The following CIMAP1D variants were observed in gnomAD, a reference collection of about 807,000 sequenced individuals.
CIMAP1D encodes the protein CIMAP1 family member D.
At chr19:490,228 T>A in the CIMAP1D span, 3 of 304,298 alleles carry the variant, frequency 9.9e-6, no homozygotes, top group Non-Finnish European at 1.8e-5. Context: ...TGGTGGCGCA[T>A]GCCTGTGGTC....
At chr19:479,606 T>C in the CIMAP1D span, among the ~76,000 whole-genome samples, 2 of 152,202 alleles carry the variant, frequency 1.3e-5, no homozygotes, top group Non-Finnish European at 2.9e-5. Flanking sequence ...GGTTTCTCCA[T>C]GTTGGCCAGG....
chr19:484,869 G>A, the CIMAP1D span, among the ~76,000 whole-genome samples: 84 of 152,300 alleles, frequency 5.5e-4, 1 homozygote, highest in African/African-American at 2.0e-3. Flanking sequence ...CTCTGCTGGA[G>A]CAGAGGAGGG....
chr19:463,582 C>T, the CIMAP1D span: 2 of 538,362 alleles, frequency 3.7e-6, no homozygotes, highest in Admixed American at 3.8e-5. Context: ...TCCCTTTCCC[C>T]ACCTGGCCTG....
chr19:483,018 G>A, the CIMAP1D span, among the ~76,000 whole-genome samples: 2 of 152,168 alleles, frequency 1.3e-5, no homozygotes, highest in African/African-American at 4.8e-5. Flanking sequence ...TTCCTCCTCT[G>A]AAAAACGGGC....
the CIMAP1D span, among the ~76,000 whole-genome samples, chr19:480,610 G>GA: frequency 2.9e-4 from 42 of 146,950 alleles, no homozygotes; most frequent in African/African-American, 6.4e-4. Flanking sequence ...GATGGGGAAG[G>GA]ATGATGGGAA....
the CIMAP1D span, among the ~76,000 whole-genome samples, chr19:482,598 C>T: frequency 1.3e-5 from 2 of 151,968 alleles, no homozygotes; most frequent in South Asian, 2.1e-4. Context: ...AGGGTGAGAT[C>T]GGCAGGGCGT....
chr19:482,335 G>C, the CIMAP1D span, among the ~76,000 whole-genome samples: 1 of 152,170 alleles, frequency 6.6e-6, no homozygotes, highest in East Asian at 1.9e-4. Flanking sequence ...GGGCAGCACA[G>C]GTCTAGAGAG....
At chr19:470,230 G>A in the CIMAP1D span, among the ~76,000 whole-genome samples, 13 of 148,880 alleles carry the variant, frequency 8.7e-5, no homozygotes, top group African/African-American at 2.0e-4. Context: ...TTTTTGCGAC[G>A]GAGTCTCGCT....
the CIMAP1D span, chr19:474,644 C>T: frequency 2.5e-6 from 4 of 1,578,768 alleles, no homozygotes; most frequent in Non-Finnish European, 3.4e-6. Context: ...GGCCGTCCCA[C>T]AGGACTTCCT....
the CIMAP1D span, among the ~76,000 whole-genome samples, chr19:469,468 T>C: frequency 9.9e-5 from 15 of 152,120 alleles, no homozygotes; most frequent in East Asian, 1.9e-3. Context: ...GGCGGGTGGA[T>C]CACCTGAGGT....
the CIMAP1D span, among the ~76,000 whole-genome samples, chr19:491,569 A>G: frequency 2.0e-5 from 3 of 151,938 alleles, no homozygotes; most frequent in African/African-American, 7.3e-5. Context: ...GGGAGCACCA[A>G]GGCGTCAGAG....
At chr19:475,271 C>T in the CIMAP1D span, among the ~76,000 whole-genome samples, 2 of 152,218 alleles carry the variant, frequency 1.3e-5, no homozygotes, top group Admixed American at 6.5e-5. Flanking sequence ...CATCCTGTCA[C>T]TCATTCCTGC....
chr19:476,957 T>G, the CIMAP1D span, among the ~76,000 whole-genome samples: 1 of 152,056 alleles, frequency 6.6e-6, no homozygotes, highest in South Asian at 2.1e-4. Context: ...CTGTAATCCC[T>G]GCACTTTGGG....
At chr19:484,123 C>G in the CIMAP1D span, among the ~76,000 whole-genome samples, 10 of 146,790 alleles carry the variant, frequency 6.8e-5, no homozygotes, top group African/African-American at 2.5e-4. Context: ...TTATTTTTTT[C>G]TTTTCTTTTC....
chr19:485,204 TACACAC>T, the CIMAP1D span, among the ~76,000 whole-genome samples: 3 of 151,400 alleles, frequency 2.0e-5, no homozygotes, highest in East Asian at 3.9e-4. Context: ...GTAACACACG[TACACAC>T]ACACACACAG....
chr19:479,122 T>C, the CIMAP1D span, among the ~76,000 whole-genome samples: 2 of 152,118 alleles, frequency 1.3e-5, no homozygotes, highest in African/African-American at 4.8e-5. Flanking sequence ...CAGCAAACTG[T>C]TCTCGTAAAT....
At chr19:485,245 C>A in the CIMAP1D span, among the ~76,000 whole-genome samples, 2 of 152,180 alleles carry the variant, frequency 1.3e-5, no homozygotes, top group African/African-American at 4.8e-5. Flanking sequence ...CACGTGGGTG[C>A]GCACGATGAG....
the CIMAP1D span, chr19:472,620 G>T: frequency 3.3e-6 from 2 of 615,040 alleles, no homozygotes; most frequent in Non-Finnish European, 5.4e-6. Flanking sequence ...AGGATTGGGG[G>T]CCCCGGGGAG....
the CIMAP1D span, chr19:464,387 G>A: frequency 2.8e-6 from 4 of 1,421,850 alleles, no homozygotes; most frequent in South Asian, 1.2e-5. Context: ...GGAAGGAAAG[G>A]TGGCACTGAT....
Sources: allele counts gnomAD v4.1 joint callset (sites outside exome capture counted in the v4.1 genomes callset), GRCh38; gene constraint gnomAD v4.1.1; transcripts MANE v1.5; gene names NCBI Gene and HGNC (gene_info 2026-07-23, HGNC 2026-07-21).